GLIS3: variants seen among roughly 807,000 people sequenced by gnomAD.
The protein encoded by GLIS3 is GLIS family zinc finger 3, also known as zinc finger protein GLIS3.
A neutral mutation model predicts 78.6 loss-of-function variants in GLIS3; 53 were observed. That is an observed-to-expected ratio of 0.67 (90% CI 0.54 to 0.85). The LOEUF (loss-of-function observed/expected upper bound fraction) is 0.85, where lower values mean the gene tolerates loss of function less well. GLIS3 is among the 40% of genes least tolerant of loss of function. The pLI is 0.00. For missense variants in GLIS3, 1,703 were observed against 1,231.1 expected, an observed-to-expected ratio of 1.38 and a Z score of -5.74; for synonymous variants, 684 against 509.9, an observed-to-expected ratio of 1.34 and a Z score of -4.60.
At chr9:4,148,141 C>A (rs1272977772) in intron 2 of GLIS3, among the ~76,000 whole-genome samples, 1 of 152,044 alleles carries the variant, frequency 6.6e-6, no homozygotes, top group Non-Finnish European at 1.5e-5. Flanking sequence ...AACTTGAACA[C>A]CAGGAATGCT....
chr9:4,402,078 G>A, the GLIS3 span, among the ~76,000 whole-genome samples: 4 of 152,172 alleles, frequency 2.6e-5, no homozygotes, highest in African/African-American at 9.7e-5. Context: ...GTCTTAAAAG[G>A]AAAGGCCTTG....
intron 2 of GLIS3, among the ~76,000 whole-genome samples, chr9:4,329,315 C>G (rs967758808): frequency 1.3e-5 from 2 of 152,196 alleles, no homozygotes; most frequent in African/African-American, 4.8e-5. Flanking sequence ...TATCCTCACA[C>G]TTTTCTCTGT....
At chr9:3,838,338 A>G (rs1818487798) in intron 9 of GLIS3, among the ~76,000 whole-genome samples, 1 of 152,134 alleles carries the variant, frequency 6.6e-6, no homozygotes, top group Admixed American at 6.5e-5. Flanking sequence ...CCCAGTACTT[A>G]AGAGAGACCT....
rs111491010 is a variant in GLIS3, at chr9:4,193,762, G to A, written c.389-67821C>T. On this transcript the variant is annotated intron_variant, in intron 2 of 10. Coordinates refer to ENST00000381971, the MANE Select transcript of GLIS3 (RefSeq NM_001042413.2). ...AGGATCTGTCTGTGCAGATGTCTTA[G>A]AGGCAAATGAAAATACGTTGACTAA... Among the ~76,000 whole-genome samples, 441 of 152,360 alleles carry A rather than the reference G, an allele frequency of 2.9e-3. 3 individuals are homozygous for A. The highest frequency in any genetic ancestry group is 0.01 in the African/African-American group (418 of 41,580).
chr9:3,828,548 G>T, intron 10 of GLIS3, 140 bp from the exon 11 acceptor site: 1 of 1,074,584 alleles, frequency 9.3e-7, no homozygotes, highest in Non-Finnish European at 1.4e-6. Flanking sequence ...CCTATAGTGA[G>T]TCTCTGTTTC....
intron 2 of GLIS3, among the ~76,000 whole-genome samples, chr9:4,173,288 T>G (rs889601276): frequency 6.6e-6 from 1 of 152,208 alleles, no homozygotes; most frequent in African/African-American, 2.4e-5. Context: ...AAGGCTTTAA[T>G]GCCTTCGAGC....
At chr9:4,080,581 C>A (rs1177371129) in intron 4 of GLIS3, among the ~76,000 whole-genome samples, 1 of 151,820 alleles carries the variant, frequency 6.6e-6, no homozygotes, top group African/African-American at 2.4e-5. Context: ...TTTTGTTCAC[C>A]AAGGATTTTA....
chr9:4,153,813 T>G (rs59299258), intron 2 of GLIS3, among the ~76,000 whole-genome samples: 1 of 152,182 alleles, frequency 6.6e-6, no homozygotes, highest in Non-Finnish European at 1.5e-5. Context: ...TACTGCTACA[T>G]AGCAAACCAC....
intron 6 of GLIS3, among the ~76,000 whole-genome samples, chr9:3,908,387 G>C (rs1823865494): frequency 6.6e-6 from 1 of 152,182 alleles, no homozygotes; most frequent in African/African-American, 2.4e-5. Context: ...CATGGACATA[G>C]ACTTGTGACA....
upstream of GLIS3, among the ~76,000 whole-genome samples, chr9:4,351,331 G>C (rs1288191496): frequency 6.6e-6 from 1 of 151,704 alleles, no homozygotes; most frequent in Non-Finnish European, 1.5e-5. Context: ...CTTGAACCTG[G>C]GAGGTTGAAG....
intron 2 of GLIS3, among the ~76,000 whole-genome samples, chr9:4,189,859 C>A (rs988023181): frequency 1.3e-5 from 2 of 152,028 alleles, no homozygotes; most frequent in African/African-American, 4.8e-5. Context: ...GTAGATCTTC[C>A]TTCATCCTTT....
chr9:4,393,298 G>A, the GLIS3 span, among the ~76,000 whole-genome samples: 38 of 152,078 alleles, frequency 2.5e-4, no homozygotes, highest in African/African-American at 7.2e-4. Flanking sequence ...TATCCCCTAA[G>A]TCATTTGAGA....
chr9:3,925,373 C>G (rs1825147513), intron 6 of GLIS3, among the ~76,000 whole-genome samples: 1 of 152,152 alleles, frequency 6.6e-6, no homozygotes, highest in African/African-American at 2.4e-5. Context: ...ATCCTCAGAG[C>G]TGGCATGGGC....
upstream of GLIS3, among the ~76,000 whole-genome samples, chr9:4,351,987 C>T (rs1187944854): frequency 6.6e-6 from 1 of 152,194 alleles, no homozygotes. Flanking sequence ...TTAATAGCTG[C>T]TCTTGGTTAA....
intron 4 of GLIS3, among the ~76,000 whole-genome samples, chr9:4,050,924 T>A (rs977372717): frequency 6.6e-6 from 1 of 152,084 alleles, no homozygotes; most frequent in African/African-American, 2.4e-5. Flanking sequence ...GTCCTCACAG[T>A]TGGGGGAAGC....
chr9:4,208,316 A>C (rs1820062134), intron 2 of GLIS3, among the ~76,000 whole-genome samples: 1 of 152,160 alleles, frequency 6.6e-6, no homozygotes, highest in Non-Finnish European at 1.5e-5. Context: ...TCCTGTTTTA[A>C]ATCTCGAGAC....
intron 2 of GLIS3, among the ~76,000 whole-genome samples, chr9:4,342,199 T>C (rs1368398693): frequency 2.0e-5 from 3 of 152,218 alleles, no homozygotes; most frequent in South Asian, 2.1e-4. Context: ...TCCTAGGTTA[T>C]CTTTCAGGGT....
chr9:4,073,158 A>T (rs750411106), intron 4 of GLIS3, among the ~76,000 whole-genome samples: 6 of 152,160 alleles, frequency 3.9e-5, no homozygotes, highest in Non-Finnish European at 8.8e-5. Flanking sequence ...TCAAACACCC[A>T]TCAACTGAAA....
intron 2 of GLIS3, among the ~76,000 whole-genome samples, chr9:4,205,891 A>G (rs1464491124): frequency 1.3e-5 from 2 of 152,228 alleles, no homozygotes; most frequent in African/African-American, 4.8e-5. Flanking sequence ...ATATGAATAA[A>G]AGAAAACTGT....
Sources: allele counts gnomAD v4.1 joint callset (sites outside exome capture counted in the v4.1 genomes callset), GRCh38; gene constraint gnomAD v4.1.1; transcripts MANE v1.5; gene names NCBI Gene and HGNC (gene_info 2026-07-23, HGNC 2026-07-21).